The following RNF130 variants were observed in gnomAD, a reference collection of about 807,000 sequenced individuals.
RNF130 encodes the protein E3 ubiquitin-protein ligase RNF130.
In RNF130, 21 loss-of-function variants were observed where a neutral mutation model predicts 44.6. The observed-to-expected ratio is 0.47, with a 90% CI of 0.33 to 0.68. The LOEUF (loss-of-function observed/expected upper bound fraction) is 0.68. Among genes scored for constraint, RNF130 ranks in the 30% least tolerant of loss-of-function variants. The pLI is 0.02. For synonymous variants in RNF130, 214 were observed against 210.4 expected (o/e 1.02, Z -0.15); for missense variants, 479 against 560.6 (o/e 0.85, Z 1.47).
At position 179,977,906 on chromosome 5, in the gene RNF130, G is replaced by A. The variant is rs1405263940; in HGVS notation, c.848+297C>T. On this transcript the variant is annotated intron_variant, in intron 5 of 8. Coordinates refer to ENST00000521389, the MANE Select transcript of RNF130 (RefSeq NM_018434.6). The surrounding 1 kb of genome is among the most constrained non-coding windows in gnomAD (Gnocchi z 4.1). ...AGAAAACAAACATAAAAAGATAAAC[G>A]AAACCATAGAACAAGAATTCTCGAC... is the stretch of plus-strand genomic sequence containing the variant. Among the ~76,000 whole-genome samples the A allele has an allele frequency of 6.6e-6, 1 of 152,042 alleles. No homozygotes were observed. Among genetic ancestry groups the A allele is most frequent in the Non-Finnish European group, 1.5e-5 (1 of 68,006 alleles).
chr5:179,985,153 C>CT (rs34998254), intron 3 of RNF130, among the ~76,000 whole-genome samples: 53,350 of 91,886 alleles, frequency 0.58, 17,223 homozygotes, highest in South Asian at 0.73. Context: ...TACCCCCTAA[C>CT]TTTTTTTTTT....
intron 1 of RNF130, among the ~76,000 whole-genome samples, chr5:180,058,605 G>A (rs899214164): frequency 6.6e-6 from 1 of 152,162 alleles, no homozygotes; most frequent in Non-Finnish European, 1.5e-5. Flanking sequence ...GCCCAAGCTG[G>A]AGTGTAGTAG....
downstream of RNF130, among the ~76,000 whole-genome samples, chr5:179,954,744 C>G (rs1364463087): frequency 3.3e-5 from 5 of 152,186 alleles, no homozygotes; most frequent in African/African-American, 1.2e-4. Flanking sequence ...ATCCTTTCAG[C>G]CCCCTGCTGA....
intron 1 of RNF130, among the ~76,000 whole-genome samples, chr5:180,042,128 G>C (rs1764434384): frequency 6.6e-6 from 1 of 152,138 alleles, no homozygotes. Context: ...CTACACACCT[G>C]GAAGCACATG....
intron 3 of RNF130, among the ~76,000 whole-genome samples, chr5:180,003,456 C>CA (rs1002398087): frequency 6.6e-6 from 1 of 152,228 alleles, no homozygotes; most frequent in African/African-American, 2.4e-5. Context: ...TCTTATAGCA[C>CA]AAGGACAAAA....
chr5:179,967,409 TC>T lies in RNF130; in HGVS notation c.946-400del, dbSNP rs373926285. Among the ~76,000 whole-genome samples the T allele has an allele frequency of 7.6e-4, 116 of 152,354 alleles. 4 individuals are homozygous for T. In the East Asian group the frequency reaches 0.021, roughly 28 times the overall value. On this transcript the variant is annotated intron_variant, in intron 6 of 8. Transcript: ENST00000521389. Reference sequence around the variant, plus strand: ...CAGGTAATAGAAAACACCTCTTTCATCCTACTAACTTCTCTAAAAGCCCCAT... The same window carrying T: ...CAGGTAATAGAAAACACCTCTTTCATCTACTAACTTCTCTAAAAGCCCCAT...
chr5:179,964,232 G>A (rs986736106), intron 7 of RNF130: 54 of 152,330 alleles, frequency 3.5e-4, no homozygotes, highest in African/African-American at 1.1e-3. Context: ...AGGGGCGGGC[G>A]ACTGACCGGG....
intron 3 of RNF130, among the ~76,000 whole-genome samples, chr5:179,985,854 A>T (rs1170658687): frequency 6.6e-6 from 1 of 152,198 alleles, no homozygotes; most frequent in East Asian, 1.9e-4. Flanking sequence ...GGGCACTTTC[A>T]TCAATATTAA....
chr5:180,057,332 C>T (rs1036569259), intron 1 of RNF130, among the ~76,000 whole-genome samples: 6 of 152,098 alleles, frequency 3.9e-5, no homozygotes, highest in African/African-American at 7.2e-5. Flanking sequence ...GAGGATCACC[C>T]GAGGTCAGGA....
At chr5:179,960,682 C>T (rs1477567814) in intron 8 of RNF130, among the ~76,000 whole-genome samples, 1 of 152,184 alleles carries the variant, frequency 6.6e-6, no homozygotes, top group African/African-American at 2.4e-5. Flanking sequence ...ACTAGTAACA[C>T]TGCCAGAAAG....
chr5:180,057,301 C>T (rs1380363165), intron 1 of RNF130, among the ~76,000 whole-genome samples: 7 of 152,230 alleles, frequency 4.6e-5, no homozygotes, highest in Non-Finnish European at 8.8e-5. Context: ...GTAATCCCAG[C>T]ACTTTGGGAG....
At chr5:179,994,985 G>A (rs189870063) in intron 3 of RNF130, among the ~76,000 whole-genome samples, 1 of 152,180 alleles carries the variant, frequency 6.6e-6, no homozygotes, top group African/African-American at 2.4e-5. Context: ...CTGGTGGGGA[G>A]AGGTGAAGCT....
In RNF130 at chr5:180,034,732, A is replaced by G. The variant is rs142255823; in HGVS notation, c.442+5721T>C. 2.0e-5 allele frequency among the ~76,000 whole-genome samples: 3 copies of G among 152,296 alleles called. No individual in the cohort carries two copies. In the East Asian group the frequency reaches 5.8e-4, roughly 29 times the overall value. ...CATGGGTTTGGGGAGGATTCCCACC[A>G]TTACCTAATAAGAGTGACTCACTGT... On this transcript the variant is annotated intron_variant, in intron 2 of 8. Transcript: ENST00000521389.
At chr5:180,027,029 C>T (rs769932782) in intron 2 of RNF130, among the ~76,000 whole-genome samples, 44 of 152,332 alleles carry the variant, frequency 2.9e-4, no homozygotes, top group Non-Finnish European at 5.7e-4. Context: ...GGGTTTCTCT[C>T]CTTTTGACTT....
intron 2 of RNF130, among the ~76,000 whole-genome samples, chr5:180,033,762 T>C (rs1379664929): frequency 7.6e-6 from 1 of 131,886 alleles, no homozygotes; most frequent in Admixed American, 7.8e-5. Context: ...GTATTCTACA[T>C]TCTTTCAAGA....
chr5:179,981,969 C>T (rs570723055), intron 3 of RNF130, among the ~76,000 whole-genome samples: 39 of 152,292 alleles, frequency 2.6e-4, no homozygotes, highest in Admixed American at 1.6e-3. Context: ...ATGAAATCTA[C>T]GCTGTTTTCA....
At chr5:180,010,217 A>G (rs1285935149) in intron 3 of RNF130, among the ~76,000 whole-genome samples, 1 of 126,814 alleles carries the variant, frequency 7.9e-6, no homozygotes, top group Non-Finnish European at 1.6e-5. Context: ...GCTGCACTCC[A>G]GCCTCGGCGA....
In RNF130 at chr5:179,931,392, T is replaced by C. The variant is rs191138706; in HGVS notation, c.1151-10966A>G. On this transcript the variant is annotated intron_variant, in intron 7 of 7. Transcript: ENST00000522208. The stretch of plus-strand genomic sequence containing the variant: ...TGCACATTTTCTGTGTTCTTTTGTG[T>C]GTGTGCTTTAAGTGTAGCTTTTTTG... 1.1e-4 allele frequency among the ~76,000 whole-genome samples: 16 copies of C among 152,324 alleles called. No homozygotes were observed. In the East Asian group the frequency reaches 2.9e-3, roughly 28 times the overall value.
rs180891405 is a variant in RNF130 at position 180,039,611 on chromosome 5, C to A, written c.442+842G>T. Among the ~76,000 whole-genome samples the A allele has an allele frequency of 8.9e-3, 1,362 of 152,272 alleles. 11 individuals are homozygous for A. The highest frequency in any genetic ancestry group is 0.02 in the Middle Eastern group (6 of 294). On this transcript the variant is annotated intron_variant, in intron 2 of 8. Transcript: ENST00000521389. ...ATCAAGATGTGTGGGGAAGTACCAA[C>A]GACTCTCAATTAAGGTGGGCAAGTC...
Sources: gnomAD v4.1 joint callset for allele counts (sites outside exome capture counted in the v4.1 genomes callset) on GRCh38, gnomAD v4.1.1 for gene constraint, Gnocchi (gnomAD v3.1) non-coding constraint, MANE v1.5 for transcripts, NCBI Gene and HGNC (gene_info 2026-07-23, HGNC 2026-07-21) for gene names.